RAD17: variants seen among roughly 807,000 people sequenced by gnomAD.
RAD17 encodes cell cycle checkpoint protein RAD17.
In RAD17, 31 loss-of-function variants were observed where a neutral mutation model predicts 81.5. The observed-to-expected ratio is 0.38, with a 90% CI of 0.29 to 0.51. The LOEUF (loss-of-function observed/expected upper bound fraction) is 0.51. Among genes scored for constraint, RAD17 ranks in the 20% least tolerant of loss-of-function variants. The pLI is 0.88. For synonymous variants in RAD17, 261 were observed against 266.2 expected, an observed-to-expected ratio of 0.98 and a Z score of 0.19; for missense variants, 681 against 781.2, an observed-to-expected ratio of 0.87 and a Z score of 1.53.
chr5:69,369,457 C>T, upstream of RAD17: 1 of 1,610,518 alleles, frequency 6.2e-7, no homozygotes, highest in South Asian at 1.1e-5. Flanking sequence ...GGCCGCGCGC[C>T]CTGACCGGTG....
intron 8 of RAD17, 21 bp downstream of exon 8, chr5:69,384,954 C>CTT (rs375164458): frequency 1.7e-3 from 2,137 of 1,272,608 alleles, no homozygotes; most frequent in East Asian, 3.2e-3. Context: ...CTTTTAAAAT[C>CTT]TTTTTTTTTT....
intron 7 of RAD17, 134 bp downstream of exon 7, chr5:69,382,191 G>A (rs368817678): frequency 5.9e-6 from 6 of 1,013,328 alleles, no homozygotes; most frequent in African/African-American, 5.0e-5. Flanking sequence ...CAGGCCAGGT[G>A]CGATGGCTGT....
Position 69,414,146 on chromosome 5 carries a change from C to T in RAD17, c.1867C>T (p.Gln623Ter). 2 of 1,613,920 alleles carry T rather than the reference C, an allele frequency of 1.2e-6. No homozygotes were observed. The highest frequency in any genetic ancestry group is 1.7e-6 in the Non-Finnish European group (2 of 1,180,004). Residue 623 changes from glutamine (Q) to a stop codon, truncating the protein, a stop_gained, in exon 19 of 19, where the codon CAA becomes TAA. Transcript: ENST00000354868. LOFTEE classifies it low-confidence loss of function (END_TRUNC). ...AGAGGAATCTCTGGGTGAACCCACT[C>T]AAGCCACTGTGCCGGAAACCTGGTC... ...SAEESLGEPT[Q>*]ATVPETWSLP...
intron 12 of RAD17, among the ~76,000 whole-genome samples, chr5:69,390,107 G>C (rs1454863527): frequency 6.6e-6 from 1 of 152,116 alleles, no homozygotes. Context: ...TTACTGTAAT[G>C]GTCATCGTTT....
intron 6 of RAD17, among the ~76,000 whole-genome samples, chr5:69,379,684 TGAA>T (rs1444614711): frequency 3.9e-5 from 6 of 152,110 alleles, no homozygotes; most frequent in Non-Finnish European, 8.8e-5. Context: ...AAATTAGAAA[TGAA>T]GACACAAACA....
At chr5:69,408,379 C>G (rs1244883788) in intron 17 of RAD17, among the ~76,000 whole-genome samples, 1 of 152,070 alleles carries the variant, frequency 6.6e-6, no homozygotes, top group Admixed American at 6.6e-5. Flanking sequence ...GAGAGCTCAT[C>G]CTTGGCTGTG....
chr5:69,377,472 T>TACAC (rs1434654298), intron 6 of RAD17, among the ~76,000 whole-genome samples: 14 of 6,452 alleles, frequency 2.2e-3, no homozygotes, highest in African/African-American at 2.7e-3. Flanking sequence ...TATATATATA[T>TACAC]ATACACACAC....
chr5:69,372,220 A>T lies in RAD17; in HGVS notation c.9+3A>T. ...TTGATGAGGACGAAATGAATCAGGT[A>T]GCTATGACTAAAATTTTTTCCAGTG... On this transcript the variant is annotated splice_donor_region_variant and intron_variant, in intron 4 of 18. Coordinates refer to ENST00000354868, the MANE Select transcript of RAD17 (RefSeq NM_133338.3). 1 of 1,601,272 alleles carries T rather than the reference A, an allele frequency of 6.2e-7. No individual in the cohort carries two copies. Among genetic ancestry groups the T allele is most frequent in the Non-Finnish European group, 8.6e-7 (1 of 1,168,734 alleles).
chr5:69,377,690 T>TAG (rs1237174367), intron 6 of RAD17, among the ~76,000 whole-genome samples: 1 of 97,640 alleles, frequency 1.0e-5, no homozygotes, highest in African/African-American at 4.2e-5. Flanking sequence ...TATATATATA[T>TAG]GTATACATAT....
At chr5:69,374,732 T>A (rs1763232904) in intron 6 of RAD17, 21 bp downstream of exon 6, 2 of 1,534,196 alleles carry the variant, frequency 1.3e-6, no homozygotes, top group Non-Finnish European at 1.8e-6. Flanking sequence ...AATGTGTTTT[T>A]AAATATTTAA....
chr5:69,385,117 G>A (rs1370192650), intron 8 of RAD17, among the ~76,000 whole-genome samples, 184 bp downstream of exon 8: 5 of 151,274 alleles, frequency 3.3e-5, no homozygotes, highest in African/African-American at 7.3e-5. Context: ...CCGCCACCAC[G>A]CCCGGCTAAT....
Position 69,381,997 on chromosome 5 carries a change from T to G in RAD17, c.448T>G (p.Trp150Gly), listed in dbSNP as rs773810590. The G allele has an allele frequency of 6.2e-7, 1 of 1,610,008 alleles. No individual in the cohort carries two copies. The highest frequency in any genetic ancestry group is 1.1e-5 in the South Asian group (1 of 90,868). The change falls in exon 7 of 19, where the codon TGG becomes GGG. Residue 150 changes from tryptophan to glycine, a missense_variant. Trp to Gly is a radical substitution (Grantham distance 184). Transcript: ENST00000354868. Reference protein sequence around the residue: ...SKEHGIQVQEWINPVLPDFQK... With the variant: ...SKEHGIQVQEGINPVLPDFQK... ...GGAGCATGGTATTCAAGTACAAGAG[T>G]GGATTAATCCAGTTTTACCAGACTT...
intron 6 of RAD17, among the ~76,000 whole-genome samples, chr5:69,376,513 G>A (rs1174076672): frequency 6.6e-6 from 1 of 152,068 alleles, no homozygotes; most frequent in Non-Finnish European, 1.5e-5. Context: ...GCAGTTTTAG[G>A]TTCACAGCCA....
At chr5:69,408,506 CTTTTT>C (rs913594965) in intron 17 of RAD17, among the ~76,000 whole-genome samples, 47 of 88,448 alleles carry the variant, frequency 5.3e-4, no homozygotes, top group African/African-American at 2.1e-3. Flanking sequence ...ACCCTAATTA[CTTTTT>C]TTTTTTTTTT....
intron 16 of RAD17, among the ~76,000 whole-genome samples, chr5:69,396,992 C>T (rs1580413941): frequency 6.6e-6 from 1 of 152,198 alleles, no homozygotes; most frequent in South Asian, 2.1e-4. Context: ...GCCACCACGC[C>T]TGGCTAATTT....
chr5:69,380,631 T>C (rs1763795338), intron 6 of RAD17, among the ~76,000 whole-genome samples: 1 of 152,136 alleles, frequency 6.6e-6, no homozygotes, highest in Admixed American at 6.5e-5. Flanking sequence ...CCATTGTATG[T>C]AGGAAATCTT....
chr5:69,405,870 G>A lies in RAD17; in HGVS notation c.1694-4623G>A, dbSNP rs1186800315. 5.3e-5 allele frequency among the ~76,000 whole-genome samples: 8 copies of A among 151,838 alleles called. No individual in the cohort carries two copies. The South Asian group carries it at 6.3e-4, about 12-fold the overall frequency. On this transcript the variant is annotated intron_variant, in intron 17 of 18. Coordinates refer to ENST00000354868, the MANE Select transcript of RAD17 (RefSeq NM_133338.3). Reference sequence around the variant, plus strand: ...AGCCTGGCAAACATGGTGAAACCCCGTCTCTACCAAAAATATAAAAAATTA... The same window carrying A: ...AGCCTGGCAAACATGGTGAAACCCCATCTCTACCAAAAATATAAAAAATTA...
chr5:69,409,307 C>G (rs1393867172), intron 17 of RAD17, among the ~76,000 whole-genome samples: 1 of 152,090 alleles, frequency 6.6e-6, no homozygotes, highest in Non-Finnish European at 1.5e-5. Flanking sequence ...ACCTCTTATC[C>G]TATGAGTAGG....
At chr5:69,401,819 C>G (rs1233665341) in intron 17 of RAD17, among the ~76,000 whole-genome samples, 1 of 147,228 alleles carries the variant, frequency 6.8e-6, no homozygotes, top group Non-Finnish European at 1.5e-5. Flanking sequence ...AACCCCATCT[C>G]TACTAAAAAT....
Sources: allele counts gnomAD v4.1 joint callset (sites outside exome capture counted in the v4.1 genomes callset), GRCh38; gene constraint gnomAD v4.1.1; transcripts MANE v1.5; gene names NCBI Gene and HGNC (gene_info 2026-07-23, HGNC 2026-07-21).